Variants in KIF17 observed in about 807,000 individuals in gnomAD.
KIF17 encodes kinesin family member 17.
KIF17 carries 80 observed loss-of-function variants against 96.8 expected under a neutral mutation model. That is an observed-to-expected ratio of 0.83 (90% confidence interval 0.69 to 1.00). KIF17 has a LOEUF of 1.00. Ranked by LOEUF, KIF17 falls within the 50% of genes least tolerant of loss-of-function variation. KIF17 has a pLI of 0.00. For missense variants in KIF17, 1,280 were observed against 1,372.9 expected, an observed-to-expected ratio of 0.93 and a Z score of 1.07; for synonymous variants, 567 against 587.5, an observed-to-expected ratio of 0.97 and a Z score of 0.51.
At chr1:20,688,700 C>T (rs2053984386) in intron 7 of KIF17, among the ~76,000 whole-genome samples, 1 of 152,228 alleles carries the variant, frequency 6.6e-6, no homozygotes, top group Admixed American at 6.5e-5. Context: ...GGCTCTTGTC[C>T]ACTGGATATG....
At chr1:20,695,149 T>G (rs1776341) in intron 6 of KIF17, among the ~76,000 whole-genome samples, 3 of 91,630 alleles carry the variant, frequency 3.3e-5, no homozygotes, top group African/African-American at 1.4e-4. Flanking sequence ...CACACACACA[T>G]GCATGTGCAC....
intron 4 of KIF17, among the ~76,000 whole-genome samples, chr1:20,708,335 A>AC (rs2054378597): frequency 6.6e-6 from 1 of 152,090 alleles, no homozygotes; most frequent in South Asian, 2.1e-4. Flanking sequence ...TCAGGCCTTG[A>AC]CCCTGGGTAG....
intron 13 of KIF17, among the ~76,000 whole-genome samples, chr1:20,668,105 T>C (rs1241617379): frequency 6.6e-6 from 1 of 151,656 alleles, no homozygotes; most frequent in Non-Finnish European, 1.5e-5. Flanking sequence ...GGTCAGGAGA[T>C]TGAGACCATC....
chr1:20,715,468 C>G lies in KIF17; in HGVS notation c.378+25G>C, dbSNP rs370797745. Reference sequence around the variant, plus strand: ...GGGCCCAGCTGCAGCTCTGGCCCTGCCCCTTCCCTCTGCGAGGCCCGTACC... The same window carrying G: ...GGGCCCAGCTGCAGCTCTGGCCCTGGCCCTTCCCTCTGCGAGGCCCGTACC... On this transcript the variant is annotated intron_variant, in intron 2 of 14. Coordinates refer to ENST00000400463, the MANE Select transcript of KIF17 (RefSeq NM_001122819.3). 2.7e-5 allele frequency: 44 copies of G among 1,608,790 alleles called. No individual in the cohort carries two copies. The African/African-American group carries it at 4.8e-4, about 18-fold the overall frequency.
intron 11 of KIF17, among the ~76,000 whole-genome samples, chr1:20,678,448 GT>G (rs1390178134): frequency 6.6e-6 from 1 of 151,924 alleles, no homozygotes; most frequent in Non-Finnish European, 1.5e-5. Flanking sequence ...AGCATCCTAG[GT>G]ACCTGAGGAT....
rs2054316415 is a variant in KIF17 at position 20,704,938 on chromosome 1, G to A, written c.671-39C>T. 6.4e-7 allele frequency: 1 copy of A among 1,568,472 alleles called. No individual in the cohort carries two copies. The highest frequency in any genetic ancestry group is 8.7e-7 in the Non-Finnish European group (1 of 1,153,598). ...AGGCAAAGTGGCGAGGGCCTCGGGT[G>A]AGCCCTATGTATCGAGGGCAATCAG... On this transcript the variant is annotated intron_variant, in intron 4 of 14. Coordinates refer to ENST00000400463, the MANE Select transcript of KIF17 (RefSeq NM_001122819.3). This position sits in a 1 kb window ranked among gnomAD's most constrained non-coding sequence, Gnocchi z 6.8.
Position 20,699,267 on chromosome 1 carries a change from G to A in KIF17, c.1124-779C>T, listed in dbSNP as rs551305596. ...CCCGGCCCAAGTTGCCATTTAAATAGTGTGTTAGGCTGGGCACAGTGTCTC... is the reference window on the plus strand; with the variant it reads ...CCCGGCCCAAGTTGCCATTTAAATAATGTGTTAGGCTGGGCACAGTGTCTC... On this transcript the variant is annotated intron_variant, in intron 5 of 14. Coordinates refer to ENST00000400463, the MANE Select transcript of KIF17 (RefSeq NM_001122819.3). The surrounding 1 kb of genome is among the most constrained non-coding windows in gnomAD (Gnocchi z 4.3). Among the ~76,000 whole-genome samples the A allele has an allele frequency of 5.0e-4, 76 of 152,262 alleles. No individual in the cohort carries two copies. Among genetic ancestry groups the A allele is most frequent in the African/African-American group, 1.6e-3 (67 of 41,562 alleles).
Position 20,704,501 on chromosome 1 carries a change from TCTC to T in KIF17, c.1066_1068del (p.Glu356del), listed in dbSNP as rs749207620. 7 of 1,614,174 alleles carry T rather than the reference TCTC, an allele frequency of 4.3e-6. No individual in the cohort carries two copies. The highest frequency in any genetic ancestry group is 4.5e-5 in the East Asian group (2 of 44,882). On this transcript the variant is annotated inframe_deletion, in exon 5 of 15. Transcript: ENST00000400463. The surrounding 1 kb of genome is among the most constrained non-coding windows in gnomAD (Gnocchi z 6.8). ...GTCAGGATGGCCTTGAGCTTCTTGA[TCTC>T]CTCCTGGTACTCGCGAAGCAGCGCA... is the stretch of plus-strand genomic sequence containing the variant.
At chr1:20,702,719 A>G (rs2054258938) in intron 5 of KIF17, among the ~76,000 whole-genome samples, 1 of 152,162 alleles carries the variant, frequency 6.6e-6, no homozygotes, top group Non-Finnish European at 1.5e-5. Context: ...TCCTCTTCCA[A>G]GACTGCTCAA....
chr1:20,664,808 A>G (rs2053496622), intron 14 of KIF17, 46 bp from the exon 15 acceptor site: 2 of 1,575,612 alleles, frequency 1.3e-6, no homozygotes, highest in African/African-American at 2.7e-5. Flanking sequence ...GAGCGCAGGG[A>G]TGGAGAGAAA....
rs562959066 is a variant in KIF17, at chr1:20,664,196, T to C, written c.*388A>G. 3.0e-4 allele frequency: 131 copies of C among 431,494 alleles called. No individual in the cohort carries two copies. The South Asian group carries it at 3.3e-3, about 11-fold the overall frequency. 26.7% of individuals were successfully genotyped at this position (431,494 alleles called of 1,614,324 possible). Reference sequence around the variant, plus strand: ...AGGCACAGTTCCTTCCCAGCTGATATTGAGCTTCCTCCACGTGGCAGCTGC... The same window carrying C: ...AGGCACAGTTCCTTCCCAGCTGATACTGAGCTTCCTCCACGTGGCAGCTGC... On this transcript the variant is annotated 3_prime_UTR_variant, in exon 15 of 15. Coordinates refer to ENST00000400463, the MANE Select transcript of KIF17 (RefSeq NM_001122819.3).
chr1:20,668,479 T>G (rs1250298228), intron 13 of KIF17, among the ~76,000 whole-genome samples: 2 of 152,222 alleles, frequency 1.3e-5, no homozygotes, highest in Non-Finnish European at 2.9e-5. Flanking sequence ...TGACATAACC[T>G]CTTTGTGGTC....
chr1:20,710,722 G>A (rs1479452988), intron 3 of KIF17, among the ~76,000 whole-genome samples: 1 of 152,186 alleles, frequency 6.6e-6, no homozygotes, highest in Non-Finnish European at 1.5e-5. Flanking sequence ...TGTGGGAGAG[G>A]CGTGGGTGGG....
intron 7 of KIF17, among the ~76,000 whole-genome samples, chr1:20,689,711 C>T (rs952802640): frequency 1.3e-5 from 2 of 152,060 alleles, no homozygotes; most frequent in Admixed American, 1.3e-4. Flanking sequence ...AGGTAAACAG[C>T]TGTGGCTAAG....
intron 11 of KIF17, among the ~76,000 whole-genome samples, chr1:20,678,507 A>G (rs2053775944): frequency 6.6e-6 from 1 of 152,220 alleles, no homozygotes; most frequent in Non-Finnish European, 1.5e-5. Flanking sequence ...CCTCCAAAAA[A>G]ACATGCAGAA....
chr1:20,685,236 C>A lies in KIF17; in HGVS notation c.2020-216G>T. The A allele has an allele frequency of 1.4e-6, 1 of 691,484 alleles. No homozygotes were observed. Among genetic ancestry groups the A allele is most frequent in the South Asian group, 1.5e-5 (1 of 66,672 alleles). The allele number at this position is 691,484 out of a possible 1,614,324, so 42.8% of individuals were successfully genotyped here. A position where few individuals can be genotyped will look rare whatever the true frequency, so the allele number is the denominator to read the frequency against. ...ACCCCCACGCTAGGAGGAAGGCTCCCAGCTTCCTCTCTCACCTCCCACAAT... is the reference window on the plus strand; with the variant it reads ...ACCCCCACGCTAGGAGGAAGGCTCCAAGCTTCCTCTCTCACCTCCCACAAT... On this transcript the variant is annotated intron_variant, in intron 9 of 14. Coordinates refer to ENST00000400463, the MANE Select transcript of KIF17 (RefSeq NM_001122819.3). The surrounding 1 kb of genome is among the most constrained non-coding windows in gnomAD (Gnocchi z 4.1).
chr1:20,669,851 C>T (rs1369598517), intron 13 of KIF17, among the ~76,000 whole-genome samples: 11 of 97,956 alleles, frequency 1.1e-4, no homozygotes, highest in East Asian at 3.1e-4. Context: ...GGTGACAGAG[C>T]GAGACTCCAT....
At chr1:20,674,904 C>T (rs1441898490) in intron 11 of KIF17, among the ~76,000 whole-genome samples, 2 of 152,116 alleles carry the variant, frequency 1.3e-5, no homozygotes, top group Non-Finnish European at 1.5e-5. Flanking sequence ...AATCCCAGCA[C>T]TTTGGGAGGC....
chr1:20,681,301 T>C (rs1435577833), intron 11 of KIF17, among the ~76,000 whole-genome samples: 1 of 150,942 alleles, frequency 6.6e-6, no homozygotes, highest in East Asian at 2.0e-4. Context: ...GGGATTCTCC[T>C]GCCTCAGCCT....
Sources: allele counts gnomAD v4.1 joint callset (sites outside exome capture counted in the v4.1 genomes callset), GRCh38; gene constraint gnomAD v4.1.1; non-coding constraint Gnocchi (gnomAD v3.1); transcripts MANE v1.5; gene names NCBI Gene and HGNC (gene_info 2026-07-23, HGNC 2026-07-21).